The following ZNF304 variants were observed in gnomAD, a reference collection of about 807,000 sequenced individuals.
The protein encoded by ZNF304 is zinc finger protein 304.
A neutral mutation model predicts 7.8 loss-of-function variants in ZNF304; 7 were observed. The observed-to-expected ratio is 0.90, with a 90% CI of 0.51 to 1.69. ZNF304 has a LOEUF of 1.69. Among genes scored for constraint, ZNF304 ranks in the 40% most tolerant of loss-of-function variants. The probability of loss-of-function intolerance (pLI) is 0.00; values close to 1 mark genes in which losing one functional copy is unlikely to be tolerated. For missense variants in ZNF304, 669 were observed against 804.8 expected, an observed-to-expected ratio of 0.83 and a Z score of 2.04; for synonymous variants, 280 against 272.4, an observed-to-expected ratio of 1.03 and a Z score of -0.27.
Position 57,357,130 on chromosome 19 carries a change from T to A in ZNF304, c.1261T>A (p.Cys421Ser). The A allele has an allele frequency of 6.2e-7, 1 of 1,613,284 alleles. No homozygotes were observed. Among genetic ancestry groups the A allele is most frequent in the Non-Finnish European group, 8.5e-7 (1 of 1,179,466 alleles). ...TCATACCGGGGCAAGGCCCTATGAA[T>A]GCATAGAATGTGGAAAATTCTTTAG... The part of the protein sequence containing the change: ...RIHTGARPYE[C>S]IECGKFFSHN... Residue 421 changes from cysteine to serine, a missense_variant, in exon 3 of 3, where the codon TGC becomes AGC. Cys to Ser is a moderately radical substitution (Grantham distance 112). Coordinates refer to ENST00000282286, the MANE Select transcript of ZNF304 (RefSeq NM_020657.4).
intron 1 of ZNF304, 84 bp from the exon 2 acceptor site, chr19:57,353,641 T>A (rs1234133135): frequency 2.7e-6 from 4 of 1,490,250 alleles, no homozygotes; most frequent in Middle Eastern, 1.8e-4. Context: ...GACTAGAGAG[T>A]GGGTGTGTGA....
chr19:57,354,466 G>C (rs1466334713), intron 2 of ZNF304, among the ~76,000 whole-genome samples: 2 of 152,218 alleles, frequency 1.3e-5, no homozygotes, highest in Non-Finnish European at 2.9e-5. Flanking sequence ...TGTGAGCACT[G>C]TTCCTTGCTG....
chr19:57,353,772 G>A lies in ZNF304; in HGVS notation c.81G>A (p.Glu27=), dbSNP rs768939585. 1.2e-6 allele frequency: 2 copies of A among 1,613,798 alleles called. No homozygotes were observed. Among genetic ancestry groups the A allele is most frequent in the Non-Finnish European group, 1.7e-6 (2 of 1,179,830 alleles). The part of the protein sequence containing the change: ...EDVFVYFSRE[E]WELLEEAQRF... ...TGTTCGTGTACTTCTCTCGGGAGGA[G>A]TGGGAACTCCTTGAGGAGGCACAGA... Residue 27 remains glutamate, a synonymous_variant, in exon 2 of 3, where the codon GAG becomes GAA. Coordinates refer to ENST00000282286, the MANE Select transcript of ZNF304 (RefSeq NM_020657.4).
chr19:57,354,167 G>A (rs1222544827), intron 2 of ZNF304, among the ~76,000 whole-genome samples: 2 of 151,820 alleles, frequency 1.3e-5, no homozygotes, highest in African/African-American at 2.4e-5. Flanking sequence ...ATGCCACCAC[G>A]CCCGGCTATT....
rs1056242483 is a variant in ZNF304 at position 57,356,315 on chromosome 19, A to G, written c.446A>G (p.Asp149Gly). The change falls in exon 3 of 3, where the codon GAT (aspartate) becomes GGT (glycine). Residue 149 changes from aspartate (D) to glycine (G), a missense_variant. Physicochemically the swap from Asp to Gly is moderately conservative, Grantham distance 94. Transcript: ENST00000282286. ...GGAGAGAATTGCTTCAGAGGGGATG[A>G]TGGAGGGGCCTCATTTGTGAAGAGC... is the stretch of plus-strand genomic sequence containing the variant. ...HNGENCFRGD[D>G]GGASFVKSCT... 1.4e-5 allele frequency: 23 copies of G among 1,614,098 alleles called. No homozygotes were observed. Among genetic ancestry groups the G allele is most frequent in the Non-Finnish European group, 1.8e-5 (21 of 1,180,052 alleles).
At position 57,357,798 on chromosome 19, in the gene ZNF304, C is replaced by T. The variant is rs140628110; in HGVS notation, c.1929C>T (p.His643=). The change falls in exon 3 of 3, where the codon CAC becomes CAT. Residue 643 remains histidine, a synonymous_variant. Coordinates refer to ENST00000282286, the MANE Select transcript of ZNF304 (RefSeq NM_020657.4). ...AAGCTCACACTGGAGAAAGAGCTCACGAGTGCAACAGTTTTGGTGGCCCTT... is the reference window on the plus strand; with the variant it reads ...AAGCTCACACTGGAGAAAGAGCTCATGAGTGCAACAGTTTTGGTGGCCCTT... ...HQKAHTGERA[H]ECNSFGGPLA... 1.9e-5 allele frequency: 31 copies of T among 1,612,062 alleles called. No homozygotes were observed. The highest frequency in any genetic ancestry group is 1.6e-4 in the Middle Eastern group (1 of 6,074).
In ZNF304 at chr19:57,351,610, G is replaced by A; in HGVS notation, c.-55G>A. The A allele has an allele frequency of 6.2e-7, 1 of 1,609,910 alleles. No individual in the cohort carries two copies. Among genetic ancestry groups the A allele is most frequent in the Non-Finnish European group, 8.5e-7 (1 of 1,178,156 alleles). Reference sequence around the variant, plus strand: ...TCAGCCCGAGGGCGTCCAGCGCGGTGGAGGCGTGGGGTTTCGGCTGAGCCC... The same window carrying A: ...TCAGCCCGAGGGCGTCCAGCGCGGTAGAGGCGTGGGGTTTCGGCTGAGCCC... On this transcript the variant is annotated 5_prime_UTR_variant, in exon 1 of 3. Coordinates refer to ENST00000282286, the MANE Select transcript of ZNF304 (RefSeq NM_020657.4). The surrounding 1 kb of genome is among the most constrained non-coding windows in gnomAD (Gnocchi z 4.1).
At position 57,357,818 on chromosome 19, in the gene ZNF304, G is replaced by A. The variant is rs1342452428; in HGVS notation, c.1949G>A (p.Gly650Asp). 1 of 1,604,974 alleles carries A rather than the reference G, an allele frequency of 6.2e-7. No homozygotes were observed. The highest frequency in any genetic ancestry group is 8.5e-7 in the Non-Finnish European group (1 of 1,176,962). The stretch of plus-strand genomic sequence containing the variant: ...GCTCACGAGTGCAACAGTTTTGGTG[G>A]CCCTTTAGCTGCATCTCTTAAACTT... The part of the protein sequence containing the change: ...ERAHECNSFG[G>D]PLAASLKLV The change falls in exon 3 of 3, where the codon GGC (glycine) becomes GAC (aspartate). Residue 650 changes from glycine to aspartate, a missense_variant. Transcript: ENST00000282286.
At chr19:57,352,524 G>A (rs919697253) in intron 1 of ZNF304, 1 of 152,252 alleles carries the variant, frequency 6.6e-6, no homozygotes, top group African/African-American at 2.4e-5. Flanking sequence ...TTGGAAACAG[G>A]TATCAGAGGA....
intron 2 of ZNF304, 119 bp from the exon 3 acceptor site, chr19:57,355,911 C>G: frequency 8.7e-7 from 1 of 1,145,384 alleles, no homozygotes. Flanking sequence ...CTGATCCTGG[C>G]CCTCTTGTCC....
chr19:57,358,973 C>T lies in ZNF304; in HGVS notation c.*1124C>T, dbSNP rs1020110074. 2 of 152,060 alleles carry T rather than the reference C, an allele frequency of 1.3e-5. No homozygotes were observed. The highest frequency in any genetic ancestry group is 2.4e-5 in the African/African-American group (1 of 41,394). 9.4% of individuals were successfully genotyped at this position (152,060 alleles called of 1,614,324 possible). A position where few individuals can be genotyped will look rare whatever the true frequency, so the allele number is the denominator to read the frequency against. ...GTGAAAATCATGATTGCTACAGAAG[C>T]ACTGAGATAATGGAGTGGGGATGAC... is the stretch of plus-strand genomic sequence containing the variant. On this transcript the variant is annotated 3_prime_UTR_variant, in exon 3 of 3. Transcript: ENST00000282286.
chr19:57,354,881 G>A (rs2088316286), intron 2 of ZNF304, among the ~76,000 whole-genome samples: 1 of 152,180 alleles, frequency 6.6e-6, no homozygotes, highest in Admixed American at 6.5e-5. Context: ...CAGAGTAGGT[G>A]CTGTGGGTTC....
intron 1 of ZNF304, 62 bp from the exon 2 acceptor site, chr19:57,353,661 CTG>C: frequency 6.5e-7 from 1 of 1,540,792 alleles, no homozygotes; most frequent in South Asian, 1.3e-5. Flanking sequence ...AGTGTGTAGA[CTG>C]GGGAGGAGGG....
intron 2 of ZNF304, among the ~76,000 whole-genome samples, chr19:57,355,045 A>G (rs550786576): frequency 1.3e-5 from 2 of 152,258 alleles, no homozygotes; most frequent in African/African-American, 2.4e-5. Flanking sequence ...AGTCCGTGTC[A>G]TGATCTTTGC....
intron 2 of ZNF304, chr19:57,355,504 T>C (rs1005927876): frequency 1.5e-5 from 10 of 652,110 alleles, no homozygotes; most frequent in Admixed American, 2.5e-5. Context: ...TCTTCACATC[T>C]ACTTTACTTT....
At chr19:57,355,353 A>T (rs779449379) in intron 2 of ZNF304, 8 of 765,248 alleles carry the variant, frequency 1.0e-5, no homozygotes, top group Non-Finnish European at 1.9e-5. Flanking sequence ...ACATCACTGC[A>T]GCCACAGTAA....
At position 57,353,781 on chromosome 19, in the gene ZNF304, C is replaced by T. The variant is rs862704; in HGVS notation, c.90C>T (p.Leu30=). 282,292 of 1,612,524 alleles carry T rather than the reference C, an allele frequency of 0.18. 25,486 individuals carry two copies. Among genetic ancestry groups the T allele is most frequent in the East Asian group, 0.25 (11,223 of 44,812 alleles). ...FVYFSREEWE[L]LEEAQRFLYR... Reference sequence around the variant, plus strand: ...ACTTCTCTCGGGAGGAGTGGGAACTCCTTGAGGAGGCACAGAGATTCCTGT... The same window carrying T: ...ACTTCTCTCGGGAGGAGTGGGAACTTCTTGAGGAGGCACAGAGATTCCTGT... The change falls in exon 2 of 3, where the codon CTC becomes CTT. Residue 30 remains leucine (L), a synonymous_variant. Transcript: ENST00000282286.
rs533650304 is a variant in ZNF304, at chr19:57,358,241, C to G, written c.*392C>G. On this transcript the variant is annotated 3_prime_UTR_variant, in exon 3 of 3. Transcript: ENST00000282286. ...CATGAATATTTTCAAGGACTTCCCC[C>G]CCCCCCCACTTCACCCCCTACCATT... The G allele has an allele frequency of 3.6e-5, 5 of 140,574 alleles. No homozygotes were observed. Among genetic ancestry groups the G allele is most frequent in the Admixed American group, 6.8e-5 (1 of 14,802 alleles). The allele number at this position is 140,574 out of a possible 1,614,324, so 8.7% of individuals were successfully genotyped here.
intron 2 of ZNF304, among the ~76,000 whole-genome samples, chr19:57,355,098 T>G (rs896229592): frequency 6.6e-6 from 1 of 152,212 alleles, no homozygotes; most frequent in Non-Finnish European, 1.5e-5. Flanking sequence ...TGGCTGACAT[T>G]TCCTGGGGCC....
Sources: gnomAD v4.1 joint callset for allele counts (sites outside exome capture counted in the v4.1 genomes callset) on GRCh38, gnomAD v4.1.1 for gene constraint, Gnocchi (gnomAD v3.1) non-coding constraint, MANE v1.5 for transcripts, NCBI Gene and HGNC (gene_info 2026-07-23, HGNC 2026-07-21) for gene names.